The following CFAP299 variants were observed in gnomAD, a reference collection of about 807,000 sequenced individuals.
CFAP299 encodes the protein cilia- and flagella-associated protein 299.
Under a neutral mutation model 27.0 loss-of-function variants are expected in CFAP299, and 21 were observed. The ratio of observed to expected loss-of-function variants is 0.78; its 90% confidence interval spans 0.55 to 1.12. The LOEUF (loss-of-function observed/expected upper bound fraction) is 1.12, where lower values mean the gene tolerates loss of function less well. Ranked by LOEUF, CFAP299 falls within the 50% of genes most tolerant of loss-of-function variation. The pLI, the probability that CFAP299 is intolerant of heterozygous loss-of-function variation, is 0.00. For missense variants in CFAP299, 310 were observed against 276.6 expected, an observed-to-expected ratio of 1.12 and a Z score of -0.86; for synonymous variants, 104 against 98.1, an observed-to-expected ratio of 1.06 and a Z score of -0.36.
chr4:80,932,561 G>A (rs1560482224), intron 4 of CFAP299, among the ~76,000 whole-genome samples: 1 of 152,008 alleles, frequency 6.6e-6, no homozygotes, highest in African/African-American at 2.4e-5. Flanking sequence ...TAAATTTCAT[G>A]TCTCTGTACC....
intron 3 of CFAP299, among the ~76,000 whole-genome samples, chr4:80,643,418 G>A (rs1739828548): frequency 6.6e-6 from 1 of 152,178 alleles, no homozygotes; most frequent in South Asian, 2.1e-4. Context: ...TGCTATAAAG[G>A]ATTGTGGATA....
intron 1 of CFAP299, among the ~76,000 whole-genome samples, chr4:80,340,408 C>G (rs7690861): frequency 0.074 from 11,221 of 152,236 alleles, 1,224 homozygotes; most frequent in African/African-American, 0.24. Context: ...CAGAGGCTCA[C>G]ACAGAGACCC....
chr4:80,929,899 A>G (rs1298167320), intron 4 of CFAP299, among the ~76,000 whole-genome samples: 1 of 152,072 alleles, frequency 6.6e-6, no homozygotes, highest in Admixed American at 6.6e-5. Context: ...ATGAAATACA[A>G]ATTTGGCCTT....
In CFAP299 at chr4:80,853,250, C is replaced by T. The variant is rs184302749; in HGVS notation, c.334-16743C>T. ...TTTCTCATATTGATCAGGCTGGTCT[C>T]GAACTCCTGACCTCAGGTGATTCAC... is the stretch of plus-strand genomic sequence containing the variant. On this transcript the variant is annotated intron_variant, in intron 3 of 5. Coordinates refer to ENST00000358105, the MANE Select transcript of CFAP299 (RefSeq NM_152770.3). Among the ~76,000 whole-genome samples the T allele has an allele frequency of 4.2e-4, 64 of 152,176 alleles. 2 individuals carry two copies. In the South Asian group the frequency reaches 7.7e-3, roughly 18 times the overall value.
intron 2 of CFAP299, among the ~76,000 whole-genome samples, chr4:80,533,028 C>A (rs1733553120): frequency 1.3e-5 from 2 of 152,130 alleles, no homozygotes; most frequent in South Asian, 4.1e-4. Flanking sequence ...GTCTATTTCC[C>A]ATCTAACAAT....
At chr4:80,386,794 C>T (rs532289915) in intron 2 of CFAP299, 2 of 1,118,182 alleles carry the variant, frequency 1.8e-6, no homozygotes, top group East Asian at 2.4e-5. Context: ...AGCTTGTGTG[C>T]GTCGATAAAG....
At chr4:80,506,637 A>C (rs1732052487) in intron 2 of CFAP299, among the ~76,000 whole-genome samples, 1 of 152,140 alleles carries the variant, frequency 6.6e-6, no homozygotes, top group African/African-American at 2.4e-5. Context: ...CCTTAACTGA[A>C]TTCTGAAGTA....
rs995346828 is a variant in CFAP299 at position 80,388,165 on chromosome 4, C to A, written c.242+25281C>A. ...GGCTGTGGGGTGGAGGTGGTGAGGGCAGTGGTGGAGGAGGGGGTGAAGGCT... is the reference window on the plus strand; with the variant it reads ...GGCTGTGGGGTGGAGGTGGTGAGGGAAGTGGTGGAGGAGGGGGTGAAGGCT... On this transcript the variant is annotated intron_variant, in intron 2 of 5. Transcript: ENST00000358105. 23 of 676,502 alleles carry A rather than the reference C, an allele frequency of 3.4e-5. No individual in the cohort carries two copies. The East Asian group carries it at 4.4e-4, about 13-fold the overall frequency. The allele number at this position is 676,502 out of a possible 1,614,324, so 41.9% of individuals were successfully genotyped here. A position where few individuals can be genotyped will look rare whatever the true frequency, so the allele number is the denominator to read the frequency against.
chr4:80,952,838 T>C (rs1167549395), intron 5 of CFAP299, among the ~76,000 whole-genome samples: 1 of 152,150 alleles, frequency 6.6e-6, no homozygotes, highest in Non-Finnish European at 1.5e-5. Context: ...ATTACCTGTT[T>C]AATGCCACCT....
chr4:80,633,315 A>G (rs1269953706), intron 3 of CFAP299, among the ~76,000 whole-genome samples: 3 of 152,000 alleles, frequency 2.0e-5, no homozygotes, highest in African/African-American at 4.8e-5. Context: ...GCATGGTGGC[A>G]TGCTCCTGTA....
At chr4:80,651,704 TTGTGTGTGTGTGTGTG>T (rs34460418) in intron 3 of CFAP299, among the ~76,000 whole-genome samples, 3 of 139,550 alleles carry the variant, frequency 2.1e-5, no homozygotes, top group South Asian at 4.7e-4. Flanking sequence ...AGGTATGCAC[TTGTGTGTGTGTGTGTG>T]TGTGTGTGTG....
intron 3 of CFAP299, among the ~76,000 whole-genome samples, chr4:80,800,657 A>G (rs1352259237): frequency 1.9e-3 from 187 of 98,070 alleles, no homozygotes; most frequent in Non-Finnish European, 3.0e-3. Context: ...TAATATATAT[A>G]TGATATATTA....
At chr4:80,917,156 C>T (rs946832633) in intron 4 of CFAP299, among the ~76,000 whole-genome samples, 4 of 152,046 alleles carry the variant, frequency 2.6e-5, no homozygotes, top group African/African-American at 9.7e-5. Flanking sequence ...AGAAAAATAG[C>T]TTCAAGTGGG....
chr4:80,958,925 C>T (rs1272950445), intron 5 of CFAP299, among the ~76,000 whole-genome samples: 2 of 152,136 alleles, frequency 1.3e-5, no homozygotes, highest in Non-Finnish European at 2.9e-5. Context: ...GGAAGAGAGA[C>T]TTCAGAGAAG....
At chr4:80,537,896 G>A (rs1039718793) in intron 2 of CFAP299, among the ~76,000 whole-genome samples, 2 of 151,924 alleles carry the variant, frequency 1.3e-5, no homozygotes, top group Admixed American at 6.6e-5. Flanking sequence ...TTCCCAAAAT[G>A]TACATATATC....
Position 80,568,221 on chromosome 4 carries a change from T to A in CFAP299, c.243-14872T>A, listed in dbSNP as rs185391164. On this transcript the variant is annotated intron_variant, in intron 2 of 5. Coordinates refer to ENST00000358105, the MANE Select transcript of CFAP299 (RefSeq NM_152770.3). ...TTTTATATATGTGTATGCTTCTAAT[T>A]GGTCTACATTTTTTATAATCCAGTC... 4.2e-3 allele frequency among the ~76,000 whole-genome samples: 634 copies of A among 151,166 alleles called. 3 individuals are homozygous for A. Among genetic ancestry groups the A allele is most frequent in the South Asian group, 0.019 (89 of 4,688 alleles).
Position 80,460,684 on chromosome 4 carries a change from G to T in CFAP299, c.242+97800G>T, listed in dbSNP as rs568613894. Reference sequence around the variant, plus strand: ...TTCTAAGTTTGTTAGTGTAGCTAGTGTTATTGTAACCAAAGATAAATCCAA... The same window carrying T: ...TTCTAAGTTTGTTAGTGTAGCTAGTTTTATTGTAACCAAAGATAAATCCAA... On this transcript the variant is annotated intron_variant, in intron 2 of 5. Transcript: ENST00000358105. Among the ~76,000 whole-genome samples, 4 of 152,252 alleles carry T rather than the reference G, an allele frequency of 2.6e-5. No individual in the cohort carries two copies. In the South Asian group the frequency reaches 8.3e-4, roughly 32 times the overall value.
chr4:80,730,507 A>G (rs1302034478), intron 3 of CFAP299, among the ~76,000 whole-genome samples: 2 of 151,480 alleles, frequency 1.3e-5, no homozygotes, highest in African/African-American at 4.9e-5. Flanking sequence ...TGCTGGGCAC[A>G]GTGGCTACCA....
In CFAP299 at chr4:80,799,906, A is replaced by T. The variant is rs1309232399; in HGVS notation, c.334-70087A>T. On this transcript the variant is annotated intron_variant, in intron 3 of 5. Transcript: ENST00000358105. ...TATAATATATAAATTATATATTATA[A>T]TATAATATATAATATATATATTTAT... Among the ~76,000 whole-genome samples, 67 of 40,952 alleles carry T rather than the reference A, an allele frequency of 1.6e-3. 2 individuals carry two copies. The highest frequency in any genetic ancestry group is 7.8e-3 in the African/African-American group (65 of 8,332). The allele number at this position is 40,952 out of a possible 152,430, so 26.9% of individuals were successfully genotyped here.
Sources: gnomAD v4.1 joint callset for allele counts (sites outside exome capture counted in the v4.1 genomes callset) on GRCh38, gnomAD v4.1.1 for gene constraint, MANE v1.5 for transcripts, NCBI Gene and HGNC (gene_info 2026-07-23, HGNC 2026-07-21) for gene names.